POLN: variants seen among roughly 807,000 people sequenced by gnomAD.
The protein encoded by POLN is DNA polymerase N.
POLN carries 108 observed loss-of-function variants against 113.5 expected under a neutral mutation model. The ratio of observed to expected loss-of-function variants is 0.95; its 90% CI spans 0.81 to 1.12. POLN has a LOEUF of 1.12. POLN is among the 50% of genes most tolerant of loss of function. The pLI is 0.00. For synonymous variants in POLN, 386 were observed against 391.5 expected, an observed-to-expected ratio of 0.99 and a Z score of 0.17; for missense variants, 1,097 against 1,077.1, an observed-to-expected ratio of 1.02 and a Z score of -0.26.
chr4:2,125,886 C>T lies in POLN; in HGVS notation c.1982+2227G>A, dbSNP rs73799519. Among the ~76,000 whole-genome samples the T allele has an allele frequency of 3.9e-3, 587 of 152,184 alleles. 1 individual carries two copies. The highest frequency in any genetic ancestry group is 0.013 in the African/African-American group (551 of 41,522). ...CTGGCAGAGCTGTGAGTGAGGCCAG[C>T]GAGGACCCAGTGCAGATATGGGCAT... On this transcript the variant is annotated intron_variant, in intron 19 of 25. Coordinates refer to ENST00000511885, the MANE Select transcript of POLN (RefSeq NM_181808.4).
chr4:2,139,874 C>T (rs1313415138), intron 16 of POLN: 4 of 54,320 alleles, frequency 7.4e-5, no homozygotes, highest in Admixed American at 6.9e-4. Context: ...CTAAAGACTA[C>T]ATCAGGAAAG....
chr4:2,196,092 A>G (rs1165096608), intron 6 of POLN, among the ~76,000 whole-genome samples: 4 of 152,224 alleles, frequency 2.6e-5, no homozygotes, highest in Non-Finnish European at 5.9e-5. Flanking sequence ...TCTGAATTTC[A>G]GAAAAATCAT....
Position 2,117,309 on chromosome 4 carries a change from A to G in POLN, c.1982+10804T>C, listed in dbSNP as rs1731341378. Among the ~76,000 whole-genome samples the G allele has an allele frequency of 3.3e-5, 5 of 152,202 alleles. No homozygotes were observed. The South Asian group carries it at 1.0e-3, about 31-fold the overall frequency. ...AGTGGGATGAGGAAGTATACTCTTC[A>G]TTTAGGGAGGGGTAATAAATATTTT... On this transcript the variant is annotated intron_variant, in intron 19 of 25. Transcript: ENST00000511885.
chr4:2,142,815 G>C (rs1197988299), intron 16 of POLN, among the ~76,000 whole-genome samples: 1 of 152,010 alleles, frequency 6.6e-6, no homozygotes, highest in African/African-American at 2.4e-5. Flanking sequence ...ACCCGTGATT[G>C]TGGTTTTTTT....
chr4:2,169,464 T>C (rs1560080480), intron 13 of POLN, among the ~76,000 whole-genome samples: 1 of 152,056 alleles, frequency 6.6e-6, no homozygotes, highest in Non-Finnish European at 1.5e-5. Flanking sequence ...GGAAGGAAAG[T>C]CAAGGACGAC....
At chr4:2,080,788 C>T in intron 23 of POLN, 170 bp downstream of exon 23, 2 of 1,477,814 alleles carry the variant, frequency 1.4e-6, no homozygotes, top group Non-Finnish European at 8.9e-7. Flanking sequence ...TTGTTGTCTG[C>T]ATGCCTGCTG....
intron 20 of POLN, among the ~76,000 whole-genome samples, chr4:2,095,502 T>C (rs190855204): frequency 5.3e-5 from 8 of 152,246 alleles, no homozygotes; most frequent in Admixed American, 5.2e-4. Context: ...CTTGAGGCTA[T>C]CTAACTTTAT....
At chr4:2,096,493 G>A (rs1029872235) in intron 19 of POLN, among the ~76,000 whole-genome samples, 1 of 152,124 alleles carries the variant, frequency 6.6e-6, no homozygotes, top group East Asian at 1.9e-4. Flanking sequence ...TGAGACATCT[G>A]AGTAGCACAG....
At chr4:2,172,769 C>G (rs1732895834) in intron 11 of POLN, among the ~76,000 whole-genome samples, 1 of 152,210 alleles carries the variant, frequency 6.6e-6, no homozygotes, top group Non-Finnish European at 1.5e-5. Context: ...TTGAATAAAA[C>G]TAAGCAACAG....
chr4:2,142,286 C>T (rs1732021794), intron 16 of POLN, among the ~76,000 whole-genome samples: 1 of 152,256 alleles, frequency 6.6e-6, no homozygotes, highest in Non-Finnish European at 1.5e-5. Context: ...GTAACTCCCT[C>T]TCCCTCTGAA....
intron 20 of POLN, among the ~76,000 whole-genome samples, chr4:2,091,744 G>A (rs1468419925): frequency 8.0e-5 from 12 of 150,540 alleles, no homozygotes; most frequent in Non-Finnish European, 4.4e-5. Flanking sequence ...AACCCTATCC[G>A]GTGGGTACAC....
rs1735015831 is a variant in POLN, at chr4:2,242,120, C to G, written c.-353G>C. The G allele has an allele frequency of 1.0e-6, 1 of 985,720 alleles. No individual in the cohort carries two copies. Among genetic ancestry groups the G allele is most frequent in the South Asian group, 4.7e-5 (1 of 21,336 alleles). 61.1% of individuals were successfully genotyped at this position (985,720 alleles called of 1,614,324 possible). A position where few individuals can be genotyped will look rare whatever the true frequency, so the allele number is the denominator to read the frequency against. On this transcript the variant is annotated 5_prime_UTR_variant, in exon 1 of 26. Transcript: ENST00000511885. The stretch of plus-strand genomic sequence containing the variant: ...CCCTCCGTGCCCCGCGCGCCTCGCA[C>G]TGCCTCACGGGAGCGCCTGGACGCG...
chr4:2,093,991 T>C lies in POLN; in HGVS notation c.2065+1860A>G, dbSNP rs1441872663. 6.6e-6 allele frequency among the ~76,000 whole-genome samples: 1 copy of C among 152,004 alleles called. No individual in the cohort carries two copies. The highest frequency in any genetic ancestry group is 1.5e-5 in the Non-Finnish European group (1 of 68,000). On this transcript the variant is annotated intron_variant, in intron 20 of 25. Coordinates refer to ENST00000511885, the MANE Select transcript of POLN (RefSeq NM_181808.4). This position sits in a 1 kb window ranked among gnomAD's most constrained non-coding sequence, Gnocchi z 4.1. ...ATGAGACCATGAACAGGCGAGTGGG[T>C]GCCCAAGGTGTGAGGCCCATGTGGC...
At position 2,152,177 on chromosome 4, in the gene POLN, G is replaced by A. The variant is rs139234218; in HGVS notation, c.1731+4611C>T. Among the ~76,000 whole-genome samples, 613 of 150,966 alleles carry A rather than the reference G, an allele frequency of 4.1e-3. 7 individuals are homozygous for A. The highest frequency in any genetic ancestry group is 0.014 in the African/African-American group (570 of 41,106). ...CTCTTGAGTAGCTGGGACCATAGGC[G>A]TGCACCACCATGCCCACCTAATCTA... On this transcript the variant is annotated intron_variant, in intron 16 of 25. Coordinates refer to ENST00000511885, the MANE Select transcript of POLN (RefSeq NM_181808.4).
chr4:2,094,919 C>G (rs1376558812), intron 20 of POLN, among the ~76,000 whole-genome samples: 2 of 152,124 alleles, frequency 1.3e-5, no homozygotes, highest in Non-Finnish European at 2.9e-5. Context: ...CAAAGGGTTT[C>G]CATGGCAGGA....
At chr4:2,122,755 T>C (rs1330614096) in intron 19 of POLN, among the ~76,000 whole-genome samples, 2 of 152,164 alleles carry the variant, frequency 1.3e-5, no homozygotes, top group Non-Finnish European at 2.9e-5. Context: ...GGGATGGGTA[T>C]TTTACCACAA....
At chr4:2,166,870 C>T (rs1431088182) in intron 13 of POLN, among the ~76,000 whole-genome samples, 5 of 152,122 alleles carry the variant, frequency 3.3e-5, no homozygotes, top group East Asian at 1.9e-4. Context: ...GAAGGCCTAT[C>T]GTGGGACTTC....
At chr4:2,082,443 C>G (rs928226409) in intron 21 of POLN, among the ~76,000 whole-genome samples, 7 of 152,182 alleles carry the variant, frequency 4.6e-5, no homozygotes, top group Non-Finnish European at 1.0e-4. Flanking sequence ...TCAGTCAGGT[C>G]CAGACCCTGG....
intron 2 of POLN, chr4:2,236,605 T>C: frequency 1.6e-6 from 1 of 624,458 alleles, no homozygotes; most frequent in Admixed American, 2.9e-5. Flanking sequence ...ACGCCTGTAA[T>C]CCTAGCACTT....
Sources: allele counts gnomAD v4.1 joint callset (sites outside exome capture counted in the v4.1 genomes callset), GRCh38; gene constraint gnomAD v4.1.1; non-coding constraint Gnocchi (gnomAD v3.1); transcripts MANE v1.5; gene names NCBI Gene and HGNC (gene_info 2026-07-23, HGNC 2026-07-21).